GNAS: variants seen among roughly 807,000 people sequenced by gnomAD.
GNAS encodes GNAS complex locus, also known as protein ALEX.
Under a neutral mutation model 54.5 loss-of-function variants are expected in GNAS, and 8 were observed. The observed-to-expected ratio is 0.15, with a 90% CI of 0.09 to 0.26. The LOEUF (loss-of-function observed/expected upper bound fraction) is 0.26. Among genes scored for constraint, GNAS ranks in the 10% least tolerant of loss-of-function variants. GNAS has a pLI of 1.00. For synonymous variants in GNAS, 204 were observed against 191.4 expected, an observed-to-expected ratio of 1.07 and a Z score of -0.54; for missense variants, 170 against 529.8, an observed-to-expected ratio of 0.32 and a Z score of 6.67.
chr20:58,895,602 C>T lies in GNAS; in HGVS notation c.140-10C>T, dbSNP rs1374717430. ...TCCTTCATAACCTGAGACTTACTTTCATTTTCTAGGTGCTGGAGAATCTGG... is the reference window on the plus strand; with the variant it reads ...TCCTTCATAACCTGAGACTTACTTTTATTTTCTAGGTGCTGGAGAATCTGG... On this transcript the variant is annotated splice_polypyrimidine_tract_variant and intron_variant, in intron 1 of 12. Transcript: ENST00000371085. 1.9e-6 allele frequency: 3 copies of T among 1,567,690 alleles called. No individual in the cohort carries two copies. Among genetic ancestry groups the T allele is most frequent in the South Asian group, 2.2e-5 (2 of 90,118 alleles).
intron 1 of GNAS, among the ~76,000 whole-genome samples, chr20:58,861,669 T>G (rs2086788780): frequency 6.6e-6 from 1 of 152,194 alleles, no homozygotes; most frequent in Non-Finnish European, 1.5e-5. Context: ...AAGAAGCCCC[T>G]GAACAAAGGA....
At chr20:58,895,995 G>A (rs933898726) in intron 2 of GNAS, among the ~76,000 whole-genome samples, 3 of 152,128 alleles carry the variant, frequency 2.0e-5, no homozygotes. Flanking sequence ...GCCCCTCTCC[G>A]GGCCAGGTCC....
chr20:58,908,990 C>T (rs1292580719), intron 6 of GNAS, 172 bp from the exon 7 acceptor site: 1 of 755,534 alleles, frequency 1.3e-6, no homozygotes, highest in Non-Finnish European at 2.4e-6. Context: ...CTTAAGGCAT[C>T]AGCTTTGAGT....
At chr20:58,908,843 G>A (rs1334743236) in intron 6 of GNAS, 8 of 382,044 alleles carry the variant, frequency 2.1e-5, no homozygotes, top group South Asian at 3.3e-5. Context: ...AAATAAACAC[G>A]AAGAACAAAG....
chr20:58,891,236 T>G (rs559102328), upstream of GNAS: 33 of 136,754 alleles, frequency 2.4e-4, no homozygotes, highest in Middle Eastern at 7.8e-3. Flanking sequence ...GCTCCCGCCC[T>G]CCCAGCCGCC....
intron 1 of GNAS, among the ~76,000 whole-genome samples, chr20:58,894,172 C>G (rs15754): frequency 0.7 from 106,695 of 152,156 alleles, 37,684 homozygotes; most frequent in African/African-American, 0.78. Flanking sequence ...AATTTTTCAG[C>G]CACATTTCAT....
At chr20:58,845,238 T>A (rs948988940) in intron 1 of GNAS, among the ~76,000 whole-genome samples, 1 of 152,222 alleles carries the variant, frequency 6.6e-6, no homozygotes, top group South Asian at 2.1e-4. Flanking sequence ...GTAACAGTTT[T>A]AAGTGTTTTG....
At position 58,891,522 on chromosome 20, in the gene GNAS, G is replaced by T; in HGVS notation, c.-205G>T. ...GGCGGGGAGCTGCGCGCGCCCCTCG[G>T]TCCGACCGACACCCTCCCCTTCCCG... On this transcript the variant is annotated 5_prime_UTR_variant, in exon 1 of 13. Transcript: ENST00000371085. 2 of 976,038 alleles carry T rather than the reference G, an allele frequency of 2.0e-6. No homozygotes were observed. The highest frequency in any genetic ancestry group is 1.2e-6 in the Non-Finnish European group (1 of 824,682). The allele number at this position is 976,038 out of a possible 1,614,324, so 60.5% of individuals were successfully genotyped here.
Position 58,841,631 on chromosome 20 carries a change from G to T in GNAS, c.43+745G>T. ...GCACCTGCCCGCGCGCGCCGGAGCT[G>T]ACCTCTCCCGGCGGCGGGCGGTTAG... On this transcript the variant is annotated intron_variant, in intron 1 of 12. Transcript: ENST00000306090. This position sits in a 1 kb window ranked among gnomAD's most constrained non-coding sequence, Gnocchi z 5.0. 9.2e-7 allele frequency: 1 copy of T among 1,082,864 alleles called. No homozygotes were observed. The highest frequency in any genetic ancestry group is 1.1e-6 in the Non-Finnish European group (1 of 893,130). 67.1% of individuals were successfully genotyped at this position (1,082,864 alleles called of 1,614,324 possible). A position where few individuals can be genotyped will look rare whatever the true frequency, so the allele number is the denominator to read the frequency against.
chr20:58,853,057 C>T lies in GNAS; in HGVS notation c.43+12171C>T, dbSNP rs2086247726. The stretch of plus-strand genomic sequence containing the variant: ...GGCCAGGAAGGAGCCAAGACTCCAC[C>T]AGCAACAATTGAGTTGCTTCAGCCT... On this transcript the variant is annotated intron_variant, in intron 1 of 12. Coordinates refer to the GNAS transcript ENST00000306090. This position sits in a 1 kb window ranked among gnomAD's most constrained non-coding sequence, Gnocchi z 4.4. 5.8e-6 allele frequency: 8 copies of T among 1,371,596 alleles called. No individual in the cohort carries two copies. The highest frequency in any genetic ancestry group is 7.5e-6 in the Non-Finnish European group (8 of 1,067,720). 85.0% of individuals were successfully genotyped at this position (1,371,596 alleles called of 1,614,324 possible). A position where few individuals can be genotyped will look rare whatever the true frequency, so the allele number is the denominator to read the frequency against.
chr20:58,864,504 C>T (rs1045511488), intron 1 of GNAS, among the ~76,000 whole-genome samples: 2 of 152,122 alleles, frequency 1.3e-5, no homozygotes, highest in Admixed American at 1.3e-4. Context: ...TGCCCCCCAA[C>T]ATGGGAATTT....
chr20:58,888,969 GGCCCCCGCGCCCCCGGCCCAC>G, upstream of GNAS: 1 of 629,646 alleles, frequency 1.6e-6, no homozygotes, highest in Non-Finnish European at 2.0e-6. Context: ...CCGCCATCGC[GGCCCCCGCGCCCCCGGCCCAC>G]GCCCGCGCGG....
upstream of GNAS, chr20:58,840,741 A>C (rs1197070643): frequency 1.2e-6 from 2 of 1,605,472 alleles, no homozygotes; most frequent in African/African-American, 1.3e-5. This position sits in a 1 kb window ranked among gnomAD's most constrained non-coding sequence, Gnocchi z 6.0. Context: ...GAGCCCAAGG[A>C]GGAGAAGCAG....
intron 5 of GNAS, 71 bp from the exon 6 acceptor site, chr20:58,905,312 G>A: frequency 1.1e-6 from 1 of 899,232 alleles, no homozygotes; most frequent in Non-Finnish European, 1.9e-6. Flanking sequence ...TGGTCTCAGG[G>A]TTTGAATGAC....
At chr20:58,877,273 T>C (rs1193290895) in intron 1 of GNAS, among the ~76,000 whole-genome samples, 2 of 151,708 alleles carry the variant, frequency 1.3e-5, no homozygotes, top group African/African-American at 4.8e-5. Flanking sequence ...ACAGATGCAG[T>C]TGGAGAGGGG....
rs927675582 is a variant in GNAS at position 58,876,170 on chromosome 20, G to A, written c.44-19442G>A. Among the ~76,000 whole-genome samples the A allele has an allele frequency of 4.6e-5, 7 of 152,144 alleles. No individual in the cohort carries two copies. In the South Asian group the frequency reaches 1.5e-3, roughly 32 times the overall value. On this transcript the variant is annotated intron_variant, in intron 1 of 12. Transcript: ENST00000306090. ...TACTCTTATAGAAACCCAAAAGCCT[G>A]CCAATTAAGTTCCCCAGTGTAAGTT...
upstream of GNAS, chr20:58,840,524 G>C (rs748461622): frequency 5.6e-6 from 9 of 1,613,560 alleles, no homozygotes; most frequent in Middle Eastern, 3.3e-4. The surrounding 1 kb of genome is among the most constrained non-coding windows in gnomAD (Gnocchi z 6.0). Flanking sequence ...GCCCGAGACC[G>C]AGCCTGAAGA....
chr20:58,848,660 A>C (rs1345872142), intron 1 of GNAS, among the ~76,000 whole-genome samples: 1 of 152,162 alleles, frequency 6.6e-6, no homozygotes, highest in Non-Finnish European at 1.5e-5. Flanking sequence ...CAAAATTATC[A>C]GCCTTCAGGA....
At chr20:58,861,716 TTTTA>T (rs2086790603) in intron 1 of GNAS, among the ~76,000 whole-genome samples, 1 of 152,224 alleles carries the variant, frequency 6.6e-6, no homozygotes, top group South Asian at 2.1e-4. Flanking sequence ...ATATTCTTTT[TTTTA>T]TTGAGACGGA....
Sources: allele counts gnomAD v4.1 joint callset (sites outside exome capture counted in the v4.1 genomes callset), GRCh38; gene constraint gnomAD v4.1.1; non-coding constraint Gnocchi (gnomAD v3.1); transcripts MANE v1.5; gene names NCBI Gene and HGNC (gene_info 2026-07-23, HGNC 2026-07-21).